Variants in MDGA2 observed in about 807,000 individuals in gnomAD.
MDGA2 encodes the protein MAM domain containing glycosylphosphatidylinositol anchor 2, also known as MAM domain-containing glycosylphosphatidylinositol anchor protein 2.
MDGA2 carries 40 observed loss-of-function variants against 117.8 expected under a neutral mutation model. The ratio of observed to expected loss-of-function variants is 0.34; its 90% confidence interval spans 0.26 to 0.44. The LOEUF is 0.44. Ranked by LOEUF, MDGA2 falls within the 20% of genes least tolerant of loss-of-function variation. The pLI, the probability that MDGA2 is intolerant of heterozygous loss-of-function variation, is 1.00. For missense variants in MDGA2, 1,123 were observed against 1,250.6 expected (o/e 0.90, Z 1.54); for synonymous variants, 452 against 439.0 (o/e 1.03, Z -0.37).
chr14:47,440,706 C>A (rs1362555998), intron 1 of MDGA2, among the ~76,000 whole-genome samples: 4 of 151,776 alleles, frequency 2.6e-5, no homozygotes, highest in African/African-American at 9.7e-5. Flanking sequence ...CTAGAAATTC[C>A]CTGGAAAGGG....
chr14:47,177,054 C>G (rs1356063970), intron 3 of MDGA2, among the ~76,000 whole-genome samples: 1 of 152,052 alleles, frequency 6.6e-6, no homozygotes. Context: ...TGAAAAAATG[C>G]TCACCATCAC....
intron 8 of MDGA2, among the ~76,000 whole-genome samples, chr14:46,992,124 A>C (rs570745532): frequency 6.6e-6 from 1 of 152,284 alleles, no homozygotes; most frequent in East Asian, 1.9e-4. Flanking sequence ...TGAGGTACAC[A>C]ACACGACAAT....
chr14:47,630,384 A>G (rs1897234249), intron 1 of MDGA2, among the ~76,000 whole-genome samples: 2 of 152,176 alleles, frequency 1.3e-5, no homozygotes, highest in African/African-American at 2.4e-5. Flanking sequence ...ATGTATGTGT[A>G]TAAGTGTGTG....
chr14:47,665,308 T>C (rs77509246), intron 1 of MDGA2, among the ~76,000 whole-genome samples: 1 of 152,336 alleles, frequency 6.6e-6, no homozygotes, highest in Non-Finnish European at 1.5e-5. Context: ...TATTTGTTTT[T>C]CCATTTGTTT....
chr14:46,995,542 T>A (rs894726366), intron 8 of MDGA2, among the ~76,000 whole-genome samples: 5 of 152,206 alleles, frequency 3.3e-5, no homozygotes, highest in African/African-American at 9.6e-5. Context: ...TTTAAACTAT[T>A]TCATAACCAT....
rs192659521 is a variant in MDGA2 at position 46,855,769 on chromosome 14, G to A, written c.2753-615C>T. 2.3e-3 allele frequency among the ~76,000 whole-genome samples: 343 copies of A among 152,272 alleles called. 2 individuals carry two copies. The highest frequency in any genetic ancestry group is 3.8e-3 in the Non-Finnish European group (258 of 68,000). On this transcript the variant is annotated intron_variant, in intron 14 of 16. Coordinates refer to ENST00000399232, the MANE Select transcript of MDGA2 (RefSeq NM_001113498.3). The surrounding 1 kb of genome is among the most constrained non-coding windows in gnomAD (Gnocchi z 4.1). The stretch of plus-strand genomic sequence containing the variant: ...CATTTGTTATTTGTTACAGTAGCAA[G>A]AGGAAATTAACATAGCATGTAATCA...
At chr14:47,612,009 C>A (rs1389205388) in intron 1 of MDGA2, among the ~76,000 whole-genome samples, 1 of 152,118 alleles carries the variant, frequency 6.6e-6, no homozygotes, top group African/African-American at 2.4e-5. Flanking sequence ...ACCACAGAAT[C>A]ACAAGTTTAA....
intron 1 of MDGA2, among the ~76,000 whole-genome samples, chr14:47,579,433 A>C (rs1896186379): frequency 6.6e-6 from 1 of 152,048 alleles, no homozygotes; most frequent in South Asian, 2.1e-4. Flanking sequence ...CTTTTCACTC[A>C]TTTAATAATT....
At chr14:46,946,696 T>C (rs973312259) in intron 9 of MDGA2, among the ~76,000 whole-genome samples, 1 of 152,076 alleles carries the variant, frequency 6.6e-6, no homozygotes, top group African/African-American at 2.4e-5. Flanking sequence ...ATATTAAGAC[T>C]TGTAGAAAAA....
chr14:47,413,206 C>G (rs929838334), intron 1 of MDGA2, among the ~76,000 whole-genome samples: 1 of 152,114 alleles, frequency 6.6e-6, no homozygotes, highest in Non-Finnish European at 1.5e-5. Context: ...AAATATTTGA[C>G]TGGAAGTAAA....
chr14:47,148,114 A>G (rs765873999), intron 3 of MDGA2, among the ~76,000 whole-genome samples: 2 of 152,170 alleles, frequency 1.3e-5, no homozygotes, highest in African/African-American at 2.4e-5. Flanking sequence ...TCCCACCAGG[A>G]TAGTGACTCC....
chr14:47,540,622 T>C (rs1895333864), intron 1 of MDGA2, among the ~76,000 whole-genome samples: 1 of 150,224 alleles, frequency 6.7e-6, no homozygotes, highest in Non-Finnish European at 1.5e-5. Flanking sequence ...TGGAGTTCAG[T>C]GTGTGCTCAT....
At chr14:47,141,816 A>T (rs1476537973) in intron 4 of MDGA2, among the ~76,000 whole-genome samples, 4 of 152,178 alleles carry the variant, frequency 2.6e-5, no homozygotes, top group African/African-American at 9.6e-5. Flanking sequence ...GAATAAGTTG[A>T]CTATTTAACA....
intron 1 of MDGA2, among the ~76,000 whole-genome samples, chr14:47,669,292 G>GA (rs1898032694): frequency 6.6e-6 from 1 of 152,156 alleles, no homozygotes; most frequent in Non-Finnish European, 1.5e-5. Flanking sequence ...TCAAGATCAT[G>GA]AAAAATGCCT....
intron 8 of MDGA2, among the ~76,000 whole-genome samples, chr14:47,034,516 T>C (rs1161971811): frequency 6.6e-6 from 1 of 152,082 alleles, no homozygotes; most frequent in African/African-American, 2.4e-5. Flanking sequence ...ATATAACATT[T>C]CAATGATTAG....
At chr14:47,584,271 A>G (rs549284976) in intron 1 of MDGA2, among the ~76,000 whole-genome samples, 4 of 151,934 alleles carry the variant, frequency 2.6e-5, no homozygotes, top group African/African-American at 9.6e-5. Flanking sequence ...TCTTCTGGCA[A>G]TCAAGTCACT....
intron 2 of MDGA2, among the ~76,000 whole-genome samples, chr14:47,271,254 A>G (rs1287914735): frequency 2.0e-5 from 3 of 152,146 alleles, no homozygotes; most frequent in Non-Finnish European, 4.4e-5. Context: ...TTTATTTTTA[A>G]TATTTTAAGC....
At chr14:47,107,265 C>G (rs569306006) in intron 5 of MDGA2, among the ~76,000 whole-genome samples, 5 of 152,044 alleles carry the variant, frequency 3.3e-5, no homozygotes, top group Non-Finnish European at 5.9e-5. Context: ...ACTCTCCTTA[C>G]AGTTCCCCCA....
intron 1 of MDGA2, among the ~76,000 whole-genome samples, chr14:47,476,978 A>G (rs1375836931): frequency 1.3e-5 from 2 of 152,086 alleles, no homozygotes; most frequent in African/African-American, 2.4e-5. Flanking sequence ...CCTGACCAAC[A>G]TGGTGAAACC....
Sources: gnomAD v4.1 joint callset for allele counts (sites outside exome capture counted in the v4.1 genomes callset) on GRCh38, gnomAD v4.1.1 for gene constraint, Gnocchi (gnomAD v3.1) non-coding constraint, MANE v1.5 for transcripts, NCBI Gene and HGNC (gene_info 2026-07-23, HGNC 2026-07-21) for gene names.